BIRC6: variants seen among roughly 807,000 people sequenced by gnomAD.
BIRC6 encodes dual E2 ubiquitin-conjugating enzyme/E3 ubiquitin-protein ligase BIRC6.
Under a neutral mutation model 503.3 loss-of-function variants are expected in BIRC6, and 98 were observed. The ratio of observed to expected loss-of-function variants is 0.19; its 90% CI spans 0.17 to 0.23. The LOEUF (loss-of-function observed/expected upper bound fraction) is 0.23, where lower values mean the gene tolerates loss of function less well. Among genes scored for constraint, BIRC6 ranks in the 10% least tolerant of loss-of-function variants. The probability of loss-of-function intolerance (pLI) is 1.00; values close to 1 mark genes in which losing one functional copy is unlikely to be tolerated. For missense variants in BIRC6, 5,360 were observed against 5,806.0 expected, an observed-to-expected ratio of 0.92 and a Z score of 2.50; for synonymous variants, 2,240 against 2,078.7, an observed-to-expected ratio of 1.08 and a Z score of -2.11.
chr2:32,401,098 G>T, intron 6 of BIRC6, 65 bp from the exon 7 acceptor site: 3 of 1,392,834 alleles, frequency 2.2e-6, no homozygotes, highest in Non-Finnish European at 3.0e-6. Flanking sequence ...CTGGAGTTCT[G>T]TTTTAATGTA....
rs771458248 is a variant in BIRC6 at position 32,469,633 on chromosome 2, G to A, written c.6347+19G>A. 6.3e-7 allele frequency: 1 copy of A among 1,574,856 alleles called. No homozygotes were observed. Among genetic ancestry groups the A allele is most frequent in the Non-Finnish European group, 8.7e-7 (1 of 1,153,122 alleles). ...AGGATAGGTAGGTCAGAAAATGTTG[G>A]AGGTATTTGTTATTAATGATGTGTA... On this transcript the variant is annotated intron_variant, in intron 30 of 73. Transcript: ENST00000421745.
At chr2:32,433,202 G>A (rs539607612) in intron 12 of BIRC6, among the ~76,000 whole-genome samples, 39 of 152,252 alleles carry the variant, frequency 2.6e-4, no homozygotes, top group African/African-American at 8.9e-4. Flanking sequence ...ATTTGGATAT[G>A]AGCCTTAAAT....
At chr2:32,409,479 C>A (rs558794894) in intron 9 of BIRC6, among the ~76,000 whole-genome samples, 2 of 152,148 alleles carry the variant, frequency 1.3e-5, no homozygotes, top group Admixed American at 6.5e-5. Context: ...TTCTTAATTT[C>A]AAAAATGTGA....
At chr2:32,549,607 T>A in intron 65 of BIRC6, 126 bp downstream of exon 65, 8 of 909,300 alleles carry the variant, frequency 8.8e-6, no homozygotes, top group Non-Finnish European at 1.2e-5. Flanking sequence ...TCTGGAAATA[T>A]TTAGTTGGTT....
At position 32,469,458 on chromosome 2, in the gene BIRC6, A is replaced by G. The variant is rs1376513127; in HGVS notation, c.6191A>G (p.Lys2064Arg). 1.2e-6 allele frequency: 2 copies of G among 1,613,788 alleles called. No homozygotes were observed. Among genetic ancestry groups the G allele is most frequent in the East Asian group, 4.5e-5 (2 of 44,892 alleles). ...FHAQACEELF[K>R]HLCISGTPKI... ...GCCCAGGCCTGTGAAGAGCTCTTTA[A>G]ACACTTGTGCATCAGTGGAACCCCA... is the stretch of plus-strand genomic sequence containing the variant. The change falls in exon 30 of 74, where the codon AAA (lysine) becomes AGA (arginine). Residue 2064 changes from lysine (K) to arginine (R), a missense_variant. By Grantham distance (26) the Lys-to-Arg change is conservative. This residue lies in a region of BIRC6 where 2,299 missense variants were observed against 2,267.2 expected (regional missense o/e 1.01). Transcript: ENST00000421745.
intron 73 of BIRC6, among the ~76,000 whole-genome samples, chr2:32,617,473 C>T (rs1354295941): frequency 6.6e-6 from 1 of 152,168 alleles, no homozygotes; most frequent in Non-Finnish European, 1.5e-5. Flanking sequence ...GACAGCTTGG[C>T]AGCATGGGTA....
chr2:32,576,468 C>T (rs1390382723), intron 66 of BIRC6, among the ~76,000 whole-genome samples: 2 of 152,268 alleles, frequency 1.3e-5, no homozygotes, highest in East Asian at 3.9e-4. Flanking sequence ...TCAAAGATGG[C>T]CTAATTCTGA....
intron 65 of BIRC6, 117 bp downstream of exon 65, chr2:32,549,598 C>A: frequency 1.0e-6 from 1 of 982,794 alleles, no homozygotes; most frequent in Non-Finnish European, 1.4e-6. Flanking sequence ...AAAAAGTATT[C>A]TGGAAATATT....
intron 45 of BIRC6, among the ~76,000 whole-genome samples, chr2:32,498,555 C>CT (rs941786320): frequency 3.3e-5 from 5 of 151,674 alleles, no homozygotes; most frequent in Non-Finnish European, 5.9e-5. Flanking sequence ...ACTGTGCAAC[C>CT]TTTTTTTTAT....
intron 62 of BIRC6, among the ~76,000 whole-genome samples, chr2:32,544,359 A>G (rs1163441965): frequency 1.3e-5 from 2 of 152,064 alleles, no homozygotes; most frequent in African/African-American, 4.8e-5. Context: ...TAGAATAATA[A>G]GAGAAAGCTG....
intron 6 of BIRC6, among the ~76,000 whole-genome samples, chr2:32,399,175 T>A (rs1195343274): frequency 2.6e-5 from 4 of 151,966 alleles, no homozygotes; most frequent in Non-Finnish European, 2.9e-5. Context: ...AACCCTTGCC[T>A]CCCAGGTTCA....
At chr2:32,510,138 T>G in intron 52 of BIRC6, 144 bp downstream of exon 52, 1 of 1,033,340 alleles carries the variant, frequency 9.7e-7, no homozygotes. Flanking sequence ...TCTGATGGAG[T>G]CTCACTCTGT....
intron 71 of BIRC6, among the ~76,000 whole-genome samples, 167 bp downstream of exon 71, chr2:32,603,250 CATCTT>C (rs1197914554): frequency 1.4e-4 from 21 of 152,120 alleles, no homozygotes; most frequent in African/African-American, 4.8e-4. Context: ...AATGGAGTCT[CATCTT>C]ATGTGTAATC....
Position 32,518,274 on chromosome 2 carries a change from G to A in BIRC6, c.11370G>A (p.Gln3790=), listed in dbSNP as rs2055276833. 2 of 1,612,640 alleles carry A rather than the reference G, an allele frequency of 1.2e-6. No homozygotes were observed. The highest frequency in any genetic ancestry group is 1.3e-5 in the African/African-American group (1 of 74,788). ...GCCAGGTTCTTTGTGAACTATTTCA[G>A]ACATCTCCTCAAAGAGGGAACCTTC... is the stretch of plus-strand genomic sequence containing the variant. The part of the protein sequence containing the change: ...LMAQVLCELF[Q]TSPQRGNLPT... The change falls in exon 56 of 74, where the codon CAG becomes CAA. Residue 3790 remains glutamine (Q), a synonymous_variant. Coordinates refer to ENST00000421745, the MANE Select transcript of BIRC6 (RefSeq NM_016252.4).
At chr2:32,442,585 T>C (rs1181195755) in intron 19 of BIRC6, 130 bp downstream of exon 19, 18 of 1,107,524 alleles carry the variant, frequency 1.6e-5, no homozygotes, top group Non-Finnish European at 2.2e-5. Flanking sequence ...CAAAAGTTGA[T>C]GAAGATTGTT....
At chr2:32,395,418 C>A in intron 5 of BIRC6, 93 bp from the exon 6 acceptor site, 1 of 1,006,556 alleles carries the variant, frequency 9.9e-7, no homozygotes, top group Non-Finnish European at 1.5e-6. Flanking sequence ...TAGAATTTTA[C>A]TTAAAATTAT....
chr2:32,423,720 T>C (rs1252618344), intron 10 of BIRC6, among the ~76,000 whole-genome samples: 2 of 152,108 alleles, frequency 1.3e-5, no homozygotes, highest in African/African-American at 4.8e-5. Flanking sequence ...TTATCTGTGG[T>C]CAGCTTTGGT....
At chr2:32,524,708 A>G (rs558797189) in intron 57 of BIRC6, 180 bp from the exon 58 acceptor site, 3 of 312,438 alleles carry the variant, frequency 9.6e-6, no homozygotes, top group African/African-American at 6.6e-5. Flanking sequence ...AGTCTTCCTC[A>G]TCAATGTCAG....
At chr2:32,536,066 G>A (rs1368902980) in intron 61 of BIRC6, among the ~76,000 whole-genome samples, 5 of 152,174 alleles carry the variant, frequency 3.3e-5, no homozygotes, top group African/African-American at 1.2e-4. Flanking sequence ...GTGATGATGA[G>A]CATTTTTTCA....
Sources: gnomAD v4.1 joint callset for allele counts (sites outside exome capture counted in the v4.1 genomes callset) on GRCh38, gnomAD v4.1.1 for gene constraint, gnomAD v4.1.1 regional missense constraint, MANE v1.5 for transcripts, NCBI Gene and HGNC (gene_info 2026-07-23, HGNC 2026-07-21) for gene names.